PACRGL: variants seen among roughly 807,000 people sequenced by gnomAD.
The protein encoded by PACRGL is PACRG-like protein.
In PACRGL, 38 loss-of-function variants were observed where a neutral mutation model predicts 34.5. That is an observed-to-expected ratio of 1.10 (90% CI 0.85 to 1.44). The LOEUF is 1.44. PACRGL is among the 40% of genes most tolerant of loss of function. The probability of loss-of-function intolerance (pLI) is 0.00; values close to 1 mark genes in which losing one functional copy is unlikely to be tolerated. For synonymous variants in PACRGL, 128 were observed against 100.1 expected (o/e 1.28, Z -1.66); for missense variants, 305 against 281.4 (o/e 1.08, Z -0.60).
At position 20,704,446 on chromosome 4, in the gene PACRGL, T is replaced by TC; in HGVS notation, c.-16-20_-16-19insC. ...CTCCAAACAAATTTTGAAATCAACT[T>TC]TTTTTTTTTTAAACTGCAGGAGTGA... On this transcript the variant is annotated intron_variant, in intron 1 of 8. Coordinates refer to ENST00000503585, the MANE Select transcript of PACRGL (RefSeq NM_001258345.3). 3 of 1,499,392 alleles carry TC rather than the reference T, an allele frequency of 2.0e-6. No homozygotes were observed. The highest frequency in any genetic ancestry group is 2.7e-6 in the Non-Finnish European group (3 of 1,095,926). The allele number at this position is 1,499,392 out of a possible 1,614,324, so 92.9% of individuals were successfully genotyped here. A position where few individuals can be genotyped will look rare whatever the true frequency, so the allele number is the denominator to read the frequency against.
In PACRGL at chr4:20,728,023, G is replaced by C. The variant is rs999179215; in HGVS notation, c.*682G>C. ...CAGGCTGGTCTCAGAATTCTGGTGA[G>C]TGATCCTCCCACAGTGGACTTCCAA... On this transcript the variant is annotated 3_prime_UTR_variant, in exon 9 of 9. Coordinates refer to ENST00000503585, the MANE Select transcript of PACRGL (RefSeq NM_001258345.3). 6.6e-6 allele frequency: 1 copy of C among 152,354 alleles called. No homozygotes were observed. Among genetic ancestry groups the C allele is most frequent in the African/African-American group, 2.4e-5 (1 of 41,448 alleles). 9.4% of individuals were successfully genotyped at this position (152,354 alleles called of 1,614,324 possible). A position where few individuals can be genotyped will look rare whatever the true frequency, so the allele number is the denominator to read the frequency against.
chr4:20,731,935 A>G lies in PACRGL; in HGVS notation c.*4594A>G. ...CTCTATATTTCGCCCAGTTCATGGT[A>G]GCTAGCTGCTAATACTCAGTTTAGC... is the stretch of plus-strand genomic sequence containing the variant. On this transcript the variant is annotated 3_prime_UTR_variant, in exon 9 of 9. Transcript: ENST00000503585. The G allele has an allele frequency of 1.3e-6, 2 of 1,594,816 alleles. No individual in the cohort carries two copies. Among genetic ancestry groups the G allele is most frequent in the Admixed American group, 1.7e-5 (1 of 58,026 alleles).
chr4:20,732,120 C>G lies in PACRGL; in HGVS notation c.*4779C>G. ...ATTTAGACTTATCCCTTAATACCCTCACACCTGGACCAAATGAGCTGAAGC... is the reference window on the plus strand; with the variant it reads ...ATTTAGACTTATCCCTTAATACCCTGACACCTGGACCAAATGAGCTGAAGC... On this transcript the variant is annotated 3_prime_UTR_variant, in exon 9 of 9. Transcript: ENST00000503585. 8.3e-7 allele frequency: 1 copy of G among 1,211,158 alleles called. No individual in the cohort carries two copies. Among genetic ancestry groups the G allele is most frequent in the Non-Finnish European group, 1.2e-6 (1 of 824,058 alleles). 75.0% of individuals were successfully genotyped at this position (1,211,158 alleles called of 1,614,324 possible).
At position 20,713,184 on chromosome 4, in the gene PACRGL, G is replaced by A. The variant is rs1578197202; in HGVS notation, c.502-248G>A. The stretch of plus-strand genomic sequence containing the variant: ...AGAGGAAGTAATGAACCTCAAATCA[G>A]CCTTTCTGTATGCTACATATATTTT... On this transcript the variant is annotated intron_variant, in intron 6 of 8. Transcript: ENST00000503585. 1.8e-5 allele frequency: 10 copies of A among 543,272 alleles called. No homozygotes were observed. In the East Asian group the frequency reaches 3.0e-4, roughly 16 times the overall value. 33.7% of individuals were successfully genotyped at this position (543,272 alleles called of 1,614,324 possible).
At chr4:20,717,079 G>A (rs1212750604) in intron 7 of PACRGL, among the ~76,000 whole-genome samples, 1 of 152,154 alleles carries the variant, frequency 6.6e-6, no homozygotes, top group Non-Finnish European at 1.5e-5. Context: ...TTTCTTAATG[G>A]CCAGTGATGA....
chr4:20,705,555 C>T (rs978118266), intron 3 of PACRGL, among the ~76,000 whole-genome samples: 4 of 151,978 alleles, frequency 2.6e-5, no homozygotes, highest in African/African-American at 9.7e-5. Context: ...TGTTCCTTTG[C>T]TTTTTTCTGT....
At chr4:20,745,621 G>A (rs1752257089) in intron 8 of PACRGL, among the ~76,000 whole-genome samples, 1 of 152,158 alleles carries the variant, frequency 6.6e-6, no homozygotes, top group South Asian at 2.1e-4. Context: ...AAATGATAAA[G>A]GGGTGGAGAG....
At chr4:20,724,757 G>A in intron 7 of PACRGL, 51 bp from the exon 8 acceptor site, 1 of 1,065,958 alleles carries the variant, frequency 9.4e-7, no homozygotes, top group Non-Finnish European at 1.3e-6. Context: ...CGTATGGTGA[G>A]CATTGTTAAG....
chr4:20,728,890 ATGTGGCAAC>A lies in PACRGL; in HGVS notation c.*1551_*1559del, dbSNP rs1240916178. ...AGGGACGATGTGTGTGGCTTTAGTA[ATGTGGCAAC>A]TTTACAGTTTTGGCTAAGATGATTA... On this transcript the variant is annotated 3_prime_UTR_variant, in exon 9 of 9. Coordinates refer to ENST00000503585, the MANE Select transcript of PACRGL (RefSeq NM_001258345.3). The A allele has an allele frequency of 6.6e-6, 1 of 151,818 alleles. No homozygotes were observed. The highest frequency in any genetic ancestry group is 2.4e-5 in the African/African-American group (1 of 41,084). 9.4% of individuals were successfully genotyped at this position (151,818 alleles called of 1,614,324 possible). A position where few individuals can be genotyped will look rare whatever the true frequency, so the allele number is the denominator to read the frequency against.
upstream of PACRGL, among the ~76,000 whole-genome samples, chr4:20,699,809 TATG>T (rs1206242882): frequency 6.6e-6 from 1 of 152,214 alleles, no homozygotes; most frequent in Non-Finnish European, 1.5e-5. Context: ...TCAGTTTTGT[TATG>T]ATGTGGAGCA....
chr4:20,749,912 G>T lies in PACRGL; in HGVS notation c.*57-2653G>T, dbSNP rs184852225. 2.3e-3 allele frequency among the ~76,000 whole-genome samples: 352 copies of T among 152,320 alleles called. 8 individuals are homozygous for T. The South Asian group carries it at 0.046, about 20-fold the overall frequency. ...GACTAGAGTTTGAGATTCACAGGAA[G>T]AAGCAACCTACATAGAGGCCATTGG... On this transcript the variant is annotated intron_variant, in intron 8 of 8. Transcript: ENST00000507634.
downstream of PACRGL, chr4:20,734,664 C>T (rs1749146800): frequency 1.9e-6 from 3 of 1,592,634 alleles, no homozygotes; most frequent in Non-Finnish European, 2.6e-6. Flanking sequence ...TTATGTCATA[C>T]AGATTAAATG....
chr4:20,728,695 A>ATTTCAGTGTACATGTATT lies in PACRGL; in HGVS notation c.*1355_*1372dup, dbSNP rs1364321139. The stretch of plus-strand genomic sequence containing the variant: ...AGTTTACACAAACACGTGATGGCAA[A>ATTTCAGTGTACATGTATT]TTTCAGTGTACATGTATTGTACTAC... On this transcript the variant is annotated 3_prime_UTR_variant, in exon 9 of 9. Coordinates refer to ENST00000503585, the MANE Select transcript of PACRGL (RefSeq NM_001258345.3). 2 of 152,706 alleles carry ATTTCAGTGTACATGTATT rather than the reference A, an allele frequency of 1.3e-5. No homozygotes were observed. Among genetic ancestry groups the ATTTCAGTGTACATGTATT allele is most frequent in the South Asian group, 4.1e-4 (2 of 4,820 alleles). The allele number at this position is 152,706 out of a possible 1,614,324, so 9.5% of individuals were successfully genotyped here.
In PACRGL at chr4:20,729,570, GTTTT is replaced by G. The variant is rs888638953; in HGVS notation, c.*2233_*2236del. Reference sequence around the variant, plus strand: ...AAGGCCATAGAAACTGGAACTATGTGTTTTTTTAATTGTTGTAATCTTGTTTCCT... The same window carrying G: ...AAGGCCATAGAAACTGGAACTATGTGTTTAATTGTTGTAATCTTGTTTCCT... On this transcript the variant is annotated 3_prime_UTR_variant, in exon 9 of 9. Transcript: ENST00000503585. The G allele has an allele frequency of 6.7e-6, 1 of 148,622 alleles. No individual in the cohort carries two copies. Among genetic ancestry groups the G allele is most frequent in the Non-Finnish European group, 1.5e-5 (1 of 67,282 alleles). 9.2% of individuals were successfully genotyped at this position (148,622 alleles called of 1,614,324 possible). A position where few individuals can be genotyped will look rare whatever the true frequency, so the allele number is the denominator to read the frequency against.
In PACRGL at chr4:20,730,155, T is replaced by TAAATTCAGCATATCTGCAAGG; in HGVS notation, c.*2818_*2838dup. 1.3e-6 allele frequency: 2 copies of TAAATTCAGCATATCTGCAAGG among 1,591,066 alleles called. No individual in the cohort carries two copies. The highest frequency in any genetic ancestry group is 2.3e-5 in the South Asian group (2 of 86,768). On this transcript the variant is annotated 3_prime_UTR_variant, in exon 9 of 9. Transcript: ENST00000503585. ...CTGTAAGGGAGAAACACAGAGCGAT[T>TAAATTCAGCATATCTGCAAGG]AAATTCAGCATATCTGCAAGGAAAA...
rs115564609 is a variant in PACRGL, at chr4:20,710,833, G to A, written c.366+1060G>A. Among the ~76,000 whole-genome samples, 599 of 152,088 alleles carry A rather than the reference G, an allele frequency of 3.9e-3. 6 individuals are homozygous for A. Among genetic ancestry groups the A allele is most frequent in the African/African-American group, 0.014 (562 of 41,476 alleles). On this transcript the variant is annotated intron_variant, in intron 5 of 8. Transcript: ENST00000503585. ...TTTTTGTTTTTCTTAATTTATTGCCGAGTATTACAAGCAGTGTATTTTTAT... is the reference window on the plus strand; with the variant it reads ...TTTTTGTTTTTCTTAATTTATTGCCAAGTATTACAAGCAGTGTATTTTTAT...
chr4:20,700,048 G>A (rs575275292), upstream of PACRGL, among the ~76,000 whole-genome samples: 3 of 152,252 alleles, frequency 2.0e-5, no homozygotes, highest in South Asian at 2.1e-4. Flanking sequence ...AGATGGCTTC[G>A]GCTCTCACCC....
At chr4:20,715,332 G>C (rs1739368825) in intron 7 of PACRGL, among the ~76,000 whole-genome samples, 1 of 151,932 alleles carries the variant, frequency 6.6e-6, no homozygotes, top group South Asian at 2.1e-4. Flanking sequence ...TAAATGACGA[G>C]TTAATGGGTG....
chr4:20,743,172 C>G (rs62411662), intron 8 of PACRGL, among the ~76,000 whole-genome samples: 2 of 151,868 alleles, frequency 1.3e-5, no homozygotes, highest in Admixed American at 1.3e-4. Context: ...GAATCCATAT[C>G]GTGAACATGG....
Sources: gnomAD v4.1 joint callset for allele counts (sites outside exome capture counted in the v4.1 genomes callset) on GRCh38, gnomAD v4.1.1 for gene constraint, MANE v1.5 for transcripts, NCBI Gene and HGNC (gene_info 2026-07-23, HGNC 2026-07-21) for gene names.